Variants in SUGCT observed in about 807,000 individuals in gnomAD.
SUGCT encodes the protein succinyl-CoA:glutarate-CoA transferase.
A neutral mutation model predicts 55.0 loss-of-function variants in SUGCT; 41 were observed. The observed-to-expected ratio is 0.74, with a 90% CI of 0.58 to 0.97. The LOEUF (loss-of-function observed/expected upper bound fraction) is 0.97. SUGCT is among the 50% of genes least tolerant of loss of function. The probability of loss-of-function intolerance (pLI) is 0.00; values close to 1 mark genes in which losing one functional copy is unlikely to be tolerated. For missense variants in SUGCT, 568 were observed against 547.8 expected (o/e 1.04, Z -0.37); for synonymous variants, 187 against 200.4 (o/e 0.93, Z 0.56).
At chr7:40,182,096 A>T (rs1393428234) in intron 3 of SUGCT, 68 bp downstream of exon 3, 17 of 915,362 alleles carry the variant, frequency 1.9e-5, no homozygotes, top group Non-Finnish European at 2.0e-5. Flanking sequence ...TTCTCTAAAT[A>T]CCCATGTTTA....
At chr7:40,595,244 G>A (rs937141521) in intron 12 of SUGCT, among the ~76,000 whole-genome samples, 3 of 152,158 alleles carry the variant, frequency 2.0e-5, no homozygotes, top group South Asian at 2.1e-4. Context: ...TAGTTTGACC[G>A]AGGTCATAAT....
chr7:40,932,161 C>T, the SUGCT span, among the ~76,000 whole-genome samples: 2 of 152,158 alleles, frequency 1.3e-5, no homozygotes, highest in Admixed American at 1.3e-4. Context: ...ATCTTTATTT[C>T]TGCCTTCATT....
At chr7:40,320,367 A>G (rs1562676937) in intron 9 of SUGCT, among the ~76,000 whole-genome samples, 1 of 152,104 alleles carries the variant, frequency 6.6e-6, no homozygotes, top group Non-Finnish European at 1.5e-5. Context: ...CGGCCTCCCA[A>G]AGTGCTGGGA....
At chr7:40,315,052 A>G (rs541265032) in intron 8 of SUGCT, among the ~76,000 whole-genome samples, 78 of 152,334 alleles carry the variant, frequency 5.1e-4, no homozygotes, top group Non-Finnish European at 8.7e-4. Flanking sequence ...TTATCTGCTT[A>G]CATATTTATA....
At chr7:40,240,493 A>C (rs1361673191) in intron 7 of SUGCT, among the ~76,000 whole-genome samples, 3 of 152,104 alleles carry the variant, frequency 2.0e-5, no homozygotes, top group Non-Finnish European at 4.4e-5. Flanking sequence ...CCAAAAAAAA[A>C]AAGAAAAGAA....
chr7:40,996,060 T>C, the SUGCT span, among the ~76,000 whole-genome samples: 6 of 152,338 alleles, frequency 3.9e-5, no homozygotes, highest in Middle Eastern at 3.4e-3. Context: ...TTGTCACAGA[T>C]GGAGAAATAT....
At chr7:40,831,323 C>G (rs769850870) in intron 13 of SUGCT, among the ~76,000 whole-genome samples, 1 of 152,176 alleles carries the variant, frequency 6.6e-6, no homozygotes, top group Non-Finnish European at 1.5e-5. Context: ...TTCACCTTCT[C>G]CTCATTGCTT....
chr7:40,684,837 G>GTTT (rs1211643622), intron 12 of SUGCT, among the ~76,000 whole-genome samples: 1 of 152,044 alleles, frequency 6.6e-6, no homozygotes, highest in East Asian at 1.9e-4. Flanking sequence ...TTTCGTGGTT[G>GTTT]TTTTTGTTGT....
chr7:40,737,839 G>A (rs1213645366), intron 12 of SUGCT, among the ~76,000 whole-genome samples: 1 of 151,938 alleles, frequency 6.6e-6, no homozygotes, highest in African/African-American at 2.4e-5. Context: ...CAGGAGAATC[G>A]CTATAACCCA....
chr7:40,612,949 A>C (rs1449436994), intron 12 of SUGCT, among the ~76,000 whole-genome samples: 2 of 152,142 alleles, frequency 1.3e-5, no homozygotes, highest in East Asian at 3.9e-4. Flanking sequence ...CCTGGCCAAC[A>C]TGGTGAAACC....
At chr7:40,299,401 C>A (rs914315198) in intron 8 of SUGCT, among the ~76,000 whole-genome samples, 4 of 152,164 alleles carry the variant, frequency 2.6e-5, no homozygotes, top group Non-Finnish European at 4.4e-5. Flanking sequence ...AGAAAAACAA[C>A]AACAACAAAC....
chr7:40,394,906 C>T (rs1401638173), intron 9 of SUGCT, among the ~76,000 whole-genome samples: 2 of 152,172 alleles, frequency 1.3e-5, no homozygotes, highest in South Asian at 2.1e-4. Flanking sequence ...ATTGTTTATA[C>T]ATACAACACA....
chr7:40,726,902 A>C (rs1786640931), intron 12 of SUGCT, among the ~76,000 whole-genome samples: 1 of 152,210 alleles, frequency 6.6e-6, no homozygotes, highest in Non-Finnish European at 1.5e-5. Context: ...TAAACAAAGC[A>C]CAACATTTGC....
At chr7:40,812,613 CTTTTT>C (rs373117189) in intron 13 of SUGCT, among the ~76,000 whole-genome samples, 3 of 151,756 alleles carry the variant, frequency 2.0e-5, no homozygotes, top group Admixed American at 1.3e-4. Flanking sequence ...GATCTTCTCT[CTTTTT>C]TTTGTTAATC....
At chr7:40,575,129 G>A (rs534096519) in intron 12 of SUGCT, among the ~76,000 whole-genome samples, 1 of 150,180 alleles carries the variant, frequency 6.7e-6, no homozygotes, top group African/African-American at 2.5e-5. Context: ...CGGGGGTGGG[G>A]GTGGAGATGG....
intron 12 of SUGCT, among the ~76,000 whole-genome samples, chr7:40,507,984 G>A (rs1372557557): frequency 6.6e-6 from 1 of 152,054 alleles, no homozygotes; most frequent in African/African-American, 2.4e-5. Flanking sequence ...AACCTGTATT[G>A]TTTTCAACAA....
intron 12 of SUGCT, among the ~76,000 whole-genome samples, chr7:40,676,658 A>T (rs572878877): frequency 1.9e-3 from 293 of 151,860 alleles, no homozygotes; most frequent in African/African-American, 6.8e-3. Flanking sequence ...ATGCACCACC[A>T]CACTGGGCTA....
At chr7:40,523,898 C>T (rs1793678647) in intron 12 of SUGCT, among the ~76,000 whole-genome samples, 1 of 151,940 alleles carries the variant, frequency 6.6e-6, no homozygotes, top group African/African-American at 2.4e-5. Flanking sequence ...CAATTTTTTT[C>T]TTTTAAAACA....
rs147299746 is a variant in SUGCT, at chr7:40,419,839, T to C, written c.817-29448T>C. ...ATGGTTAATAAAAAGAAAAAAACTT[T>C]ATTATTCAGTGCTTCTGTCATGTGA... On this transcript the variant is annotated intron_variant, in intron 9 of 13. Transcript: ENST00000335693. Among the ~76,000 whole-genome samples the C allele has an allele frequency of 4.6e-5, 7 of 152,326 alleles. No homozygotes were observed. In the East Asian group the frequency reaches 1.4e-3, roughly 29 times the overall value.
Sources: gnomAD v4.1 joint callset for allele counts (sites outside exome capture counted in the v4.1 genomes callset) on GRCh38, gnomAD v4.1.1 for gene constraint, MANE v1.5 for transcripts, NCBI Gene and HGNC (gene_info 2026-07-23, HGNC 2026-07-21) for gene names.